The following TNS1 variants were observed in gnomAD, a reference collection of about 807,000 sequenced individuals.
TNS1 encodes the protein tensin-1.
Under a neutral mutation model 168.6 loss-of-function variants are expected in TNS1, and 62 were observed. That is an observed-to-expected ratio of 0.37 (90% confidence interval 0.30 to 0.45). TNS1 has a LOEUF of 0.45. Ranked by LOEUF, TNS1 falls within the 20% of genes least tolerant of loss-of-function variation. The pLI, the probability that TNS1 is intolerant of heterozygous loss-of-function variation, is 1.00. For missense variants in TNS1, 2,240 were observed against 2,339.4 expected, an observed-to-expected ratio of 0.96 and a Z score of 0.88; for synonymous variants, 934 against 933.2, an observed-to-expected ratio of 1.00 and a Z score of -0.02.
intron 21 of TNS1, 148 bp downstream of exon 21, chr2:217,834,943 G>C: frequency 1.7e-6 from 1 of 583,038 alleles, no homozygotes; most frequent in Non-Finnish European, 2.9e-6. Flanking sequence ...GGAAGAGAAG[G>C]GGCCATGGGA....
intron 22 of TNS1, among the ~76,000 whole-genome samples, chr2:217,824,160 C>G (rs34085205): frequency 0.074 from 11,250 of 152,286 alleles, 463 homozygotes; most frequent in South Asian, 0.12. Flanking sequence ...GGGTTGCAAT[C>G]AAACTTTCTT....
rs1316443445 is a variant in TNS1, at chr2:217,847,714, G to A, written c.2803C>T (p.His935Tyr). The A allele has an allele frequency of 6.2e-7, 1 of 1,605,798 alleles. No individual in the cohort carries two copies. The highest frequency in any genetic ancestry group is 1.7e-5 in the Admixed American group (1 of 59,876). Residue 935 changes from histidine (H) to tyrosine (Y), a missense_variant, in exon 19 of 33, where the codon CAT becomes TAT. Physicochemically the swap from His to Tyr is moderately conservative, Grantham distance 83. Coordinates refer to ENST00000682258, the MANE Select transcript of TNS1 (RefSeq NM_001387777.1). ...GAGGAAGAGGCTGGGCTCTTTGAAT[G>A]GAAATCCTGGTTAGGCCCAGCCAAA... Reference protein sequence around the residue: ...PCLAGPNQDFHSKSPASSSLP... With the variant: ...PCLAGPNQDFYSKSPASSSLP...
intron 3 of TNS1, among the ~76,000 whole-genome samples, chr2:217,965,703 C>T (rs1957609000): frequency 1.3e-5 from 2 of 152,222 alleles, no homozygotes; most frequent in African/African-American, 2.4e-5. Flanking sequence ...GCTCACCACA[C>T]CCCGGGAGGC....
At chr2:217,871,527 C>T (rs1189566782) in intron 18 of TNS1, among the ~76,000 whole-genome samples, 1 of 152,238 alleles carries the variant, frequency 6.6e-6, no homozygotes, top group African/African-American at 2.4e-5. Flanking sequence ...CACCTGCAAT[C>T]CTGTACTCCC....
At chr2:218,031,565 CTGTG>C (rs58927791) in intron 1 of TNS1, among the ~76,000 whole-genome samples, 1 of 151,478 alleles carries the variant, frequency 6.6e-6, no homozygotes, top group Non-Finnish European at 1.5e-5. Flanking sequence ...ATGTGTGTGT[CTGTG>C]TGTGTGTGCA....
At position 217,894,996 on chromosome 2, in the gene TNS1, C is replaced by T. The variant is rs1952131602; in HGVS notation, c.594+10G>A. The T allele has an allele frequency of 6.2e-7, 1 of 1,612,722 alleles. No individual in the cohort carries two copies. Reference sequence around the variant, plus strand: ...TCTCCTCCCCTACCCCAAAACAGCCCCTGGCTCACCTTGGCATGGAGCTTC... The same window carrying T: ...TCTCCTCCCCTACCCCAAAACAGCCTCTGGCTCACCTTGGCATGGAGCTTC... On this transcript the variant is annotated intron_variant, in intron 9 of 32. Transcript: ENST00000682258.
At chr2:218,014,454 G>A (rs570584381), upstream of TNS1, among the ~76,000 whole-genome samples, 3 of 152,132 alleles carry the variant, frequency 2.0e-5, no homozygotes, top group South Asian at 2.1e-4. Flanking sequence ...CCAGCTGCAC[G>A]CATGGGTGAA....
intron 3 of TNS1, among the ~76,000 whole-genome samples, chr2:217,942,216 T>G (rs1956946334): frequency 6.6e-6 from 1 of 152,030 alleles, no homozygotes. Context: ...CCAGGTTGCC[T>G]CCTCCACCGC....
At chr2:217,875,705 A>G (rs1221651996) in intron 18 of TNS1, among the ~76,000 whole-genome samples, 1 of 152,136 alleles carries the variant, frequency 6.6e-6, no homozygotes, top group Non-Finnish European at 1.5e-5. Flanking sequence ...AGCCCAGCTC[A>G]TAAGAAGTCA....
At position 217,821,820 on chromosome 2, in the gene TNS1, G is replaced by A; in HGVS notation, c.3492C>T (p.Pro1164=). Reference sequence around the variant, plus strand: ...AGCCACCCAGGGTCCCGTTCCTCAGGGGTATCTCATGGCCATAGGCCTGGG... The same window carrying A: ...AGCCACCCAGGGTCCCGTTCCTCAGAGGTATCTCATGGCCATAGGCCTGGG... The part of the protein sequence containing the change: ...PATQAYGHEI[P]LRNGTLGGSF... The change falls in exon 23 of 33, where the codon CCC becomes CCT. Residue 1164 remains proline (P), a synonymous_variant. Coordinates refer to ENST00000682258, the MANE Select transcript of TNS1 (RefSeq NM_001387777.1). 1 of 1,568,682 alleles carries A rather than the reference G, an allele frequency of 6.4e-7. No individual in the cohort carries two copies. Among genetic ancestry groups the A allele is most frequent in the Non-Finnish European group, 8.6e-7 (1 of 1,160,324 alleles).
chr2:217,972,603 A>G (rs1241282842), intron 3 of TNS1, among the ~76,000 whole-genome samples: 1 of 152,206 alleles, frequency 6.6e-6, no homozygotes, highest in African/African-American at 2.4e-5. Flanking sequence ...GGAAAGAGGT[A>G]ACAGAGAGCT....
At chr2:217,879,484 G>A (rs530498896) in intron 18 of TNS1, 3 of 448,576 alleles carry the variant, frequency 6.7e-6, no homozygotes, top group African/African-American at 2.0e-5. Context: ...CTGGTGGGGT[G>A]TCTTGGCCAA....
intron 3 of TNS1, among the ~76,000 whole-genome samples, chr2:217,925,944 G>A (rs1956000166): frequency 6.6e-6 from 1 of 152,150 alleles, no homozygotes; most frequent in Non-Finnish European, 1.5e-5. Flanking sequence ...TGAATTCTAT[G>A]TCCTCCTTCA....
chr2:217,978,215 G>T (rs1957941994), intron 3 of TNS1, among the ~76,000 whole-genome samples: 2 of 152,104 alleles, frequency 1.3e-5, no homozygotes, highest in South Asian at 4.1e-4. Flanking sequence ...ACCAAAAGAA[G>T]ACCTGGCCAA....
In TNS1 at chr2:217,995,907, G is replaced by A. The variant is rs1958460427; in HGVS notation, c.34-4851C>T. On this transcript the variant is annotated intron_variant, in intron 1 of 32. Transcript: ENST00000682258. This position sits in a 1 kb window ranked among gnomAD's most constrained non-coding sequence, Gnocchi z 4.1. ...CCACCAGCCCACCCAGCATCAGAGG[G>A]CTTTCGTGGCCCTCGGGGCTTCCTC... Among the ~76,000 whole-genome samples the A allele has an allele frequency of 6.6e-6, 1 of 152,204 alleles. No individual in the cohort carries two copies. Among genetic ancestry groups the A allele is most frequent in the Non-Finnish European group, 1.5e-5 (1 of 68,024 alleles).
At position 217,897,899 on chromosome 2, in the gene TNS1, T is replaced by C; in HGVS notation, c.442A>G (p.Ile148Val). 1.9e-6 allele frequency: 3 copies of C among 1,613,744 alleles called. No homozygotes were observed. Among genetic ancestry groups the C allele is most frequent in the African/African-American group, 1.3e-5 (1 of 75,036 alleles). ...LDLVYVTERI[I>V]AVSFPSTANE... is the part of the protein sequence containing the mutation. ...GCTGTGCTGGGGAAGGAGACAGCGA[T>C]GATCCTCTCTGTGACGTACACCAGG... Residue 148 changes from isoleucine to valine, a missense_variant, in exon 8 of 33, where the codon ATC (isoleucine) becomes GTC (valine). Around this residue, in one of 2 missense-constraint regions of TNS1, gnomAD observed 2,131 missense variants for 2,171.2 expected, o/e 0.98. Transcript: ENST00000682258.
At chr2:217,933,969 C>A (rs896967534) in intron 3 of TNS1, among the ~76,000 whole-genome samples, 9 of 152,252 alleles carry the variant, frequency 5.9e-5, no homozygotes, top group Middle Eastern at 3.4e-3. Flanking sequence ...TCGGGACAAC[C>A]ATATTATTTG....
At chr2:217,829,827 C>T (rs1475599440) in intron 22 of TNS1, 3 of 1,613,864 alleles carry the variant, frequency 1.9e-6, no homozygotes, top group Admixed American at 1.7e-5. Flanking sequence ...CAGGAAGTCA[C>T]AGCAAATGCT....
chr2:217,834,256 G>A (rs564047604), intron 21 of TNS1, among the ~76,000 whole-genome samples: 2 of 152,310 alleles, frequency 1.3e-5, no homozygotes, highest in South Asian at 2.1e-4. Context: ...GGAATGCACA[G>A]CCAGCTCCAG....
Sources: allele counts gnomAD v4.1 joint callset (sites outside exome capture counted in the v4.1 genomes callset), GRCh38; gene constraint gnomAD v4.1.1; regional missense constraint gnomAD v4.1.1; non-coding constraint Gnocchi (gnomAD v3.1); transcripts MANE v1.5; gene names NCBI Gene and HGNC (gene_info 2026-07-23, HGNC 2026-07-21).